SWT1: variants seen among roughly 807,000 people sequenced by gnomAD.
SWT1 encodes SWT1 RNA endoribonuclease homolog.
SWT1 carries 33 observed loss-of-function variants against 107.3 expected under a neutral mutation model. The observed-to-expected ratio is 0.31, with a 90% CI of 0.23 to 0.41. The LOEUF (loss-of-function observed/expected upper bound fraction) is 0.41, where lower values mean the gene tolerates loss of function less well. Among genes scored for constraint, SWT1 ranks in the 10% least tolerant of loss-of-function variants. The pLI is 1.00. For synonymous variants in SWT1, 345 were observed against 348.3 expected, an observed-to-expected ratio of 0.99 and a Z score of 0.11; for missense variants, 898 against 1,028.9, an observed-to-expected ratio of 0.87 and a Z score of 1.74.
In SWT1 at chr1:185,253,550, GA is replaced by G. The variant is rs1462384227; in HGVS notation, c.2442-17771del. Among the ~76,000 whole-genome samples, 6 of 149,548 alleles carry G rather than the reference GA, an allele frequency of 4.0e-5. 1 individual carries two copies. The highest frequency in any genetic ancestry group is 1.5e-4 in the African/African-American group (6 of 39,908). On this transcript the variant is annotated intron_variant, in intron 16 of 18. Coordinates refer to ENST00000367500, the MANE Select transcript of SWT1 (RefSeq NM_017673.7). The stretch of plus-strand genomic sequence containing the variant: ...ATTTTATTCTCTTTGAAGCAATTGT[GA>G]ATGGGAGTTCACTCATGATTTGGCT...
intron 16 of SWT1, among the ~76,000 whole-genome samples, chr1:185,250,813 C>T (rs1361400707): frequency 6.6e-6 from 1 of 152,102 alleles, no homozygotes; most frequent in Non-Finnish European, 1.5e-5. Flanking sequence ...CAGGCATGCA[C>T]CACCATGCCC....
intron 13 of SWT1, among the ~76,000 whole-genome samples, chr1:185,209,125 T>A (rs1181334429): frequency 6.6e-6 from 1 of 152,196 alleles, no homozygotes; most frequent in Admixed American, 6.6e-5. Flanking sequence ...GAGGAATTTC[T>A]TGTGGGATTT....
chr1:185,159,241 G>A (rs1463032401), intron 1 of SWT1, among the ~76,000 whole-genome samples: 3 of 152,174 alleles, frequency 2.0e-5, no homozygotes, highest in Admixed American at 6.5e-5. Context: ...CAAGCATCAG[G>A]AATCATCAGG....
In SWT1 at chr1:185,224,887, C is replaced by T. The variant is rs139664140; in HGVS notation, c.2309+2851C>T. 2.5e-3 allele frequency among the ~76,000 whole-genome samples: 382 copies of T among 152,136 alleles called. 1 individual carries two copies. The highest frequency in any genetic ancestry group is 8.6e-3 in the African/African-American group (358 of 41,524). On this transcript the variant is annotated intron_variant, in intron 15 of 18. Transcript: ENST00000367500. Reference sequence around the variant, plus strand: ...GAGTCTTAAGAGTTTTCCATATATACGATCATGTTGTCTGTGAACAGGGAT... The same window carrying T: ...GAGTCTTAAGAGTTTTCCATATATATGATCATGTTGTCTGTGAACAGGGAT...
At chr1:185,266,040 G>T (rs538092282) in intron 16 of SWT1, among the ~76,000 whole-genome samples, 4 of 152,004 alleles carry the variant, frequency 2.6e-5, no homozygotes, top group South Asian at 4.1e-4. Flanking sequence ...ACATATTTAA[G>T]TGTTTTGAAT....
intron 2 of SWT1, among the ~76,000 whole-genome samples, chr1:185,164,805 A>G (rs140313074): frequency 6.6e-6 from 1 of 152,296 alleles, no homozygotes; most frequent in Non-Finnish European, 1.5e-5. Flanking sequence ...CTTGCCCAAT[A>G]TCAGTAATAG....
chr1:185,177,739 C>A (rs1447297524), intron 5 of SWT1, among the ~76,000 whole-genome samples: 1 of 152,062 alleles, frequency 6.6e-6, no homozygotes, highest in African/African-American at 2.4e-5. Flanking sequence ...AAAAATAACT[C>A]TTTTGTTTCT....
At chr1:185,189,635 C>A (rs1294701032) in intron 9 of SWT1, among the ~76,000 whole-genome samples, 1 of 152,078 alleles carries the variant, frequency 6.6e-6, no homozygotes, top group Non-Finnish European at 1.5e-5. Context: ...GATCACATTT[C>A]TTTCCTTTGA....
At chr1:185,264,643 G>A (rs759271476) in intron 16 of SWT1, 6 of 189,754 alleles carry the variant, frequency 3.2e-5, no homozygotes, top group Non-Finnish European at 5.9e-5. Flanking sequence ...GGTAAAATAA[G>A]TTATCTGATA....
intron 4 of SWT1, among the ~76,000 whole-genome samples, chr1:185,172,533 AT>A (rs943879793): frequency 6.6e-6 from 1 of 152,074 alleles, no homozygotes; most frequent in Non-Finnish European, 1.5e-5. Flanking sequence ...ATCTTTTAAT[AT>A]TTTTTTCATG....
intron 14 of SWT1, among the ~76,000 whole-genome samples, chr1:185,217,709 C>T (rs1466018436): frequency 6.6e-6 from 1 of 152,130 alleles, no homozygotes; most frequent in Non-Finnish European, 1.5e-5. Flanking sequence ...GATTCTCCTG[C>T]CTCAGCCTCC....
chr1:185,281,613 AC>A, intron 18 of SWT1: 1 of 202,040 alleles, frequency 4.9e-6, no homozygotes, highest in South Asian at 8.7e-5. Flanking sequence ...CTGAAGACCG[AC>A]CACCAAATGG....
intron 17 of SWT1, among the ~76,000 whole-genome samples, chr1:185,274,086 C>G (rs2102743785): frequency 6.6e-6 from 1 of 152,006 alleles, no homozygotes; most frequent in African/African-American, 2.4e-5. Context: ...TAATTTAGTA[C>G]TTTCTATTGC....
At chr1:185,235,806 A>T (rs937321058) in intron 16 of SWT1, among the ~76,000 whole-genome samples, 4 of 152,210 alleles carry the variant, frequency 2.6e-5, no homozygotes, top group Admixed American at 1.3e-4. Context: ...AGAAAACCCC[A>T]TCGTCTCAGC....
intron 16 of SWT1, among the ~76,000 whole-genome samples, chr1:185,247,484 A>G (rs1306847027): frequency 1.3e-5 from 2 of 152,178 alleles, no homozygotes; most frequent in Admixed American, 6.5e-5. Flanking sequence ...TTTTGCATTG[A>G]AAGTTGTTTA....
intron 5 of SWT1, among the ~76,000 whole-genome samples, chr1:185,175,940 C>T (rs1371373673): frequency 6.6e-6 from 1 of 152,090 alleles, no homozygotes; most frequent in Non-Finnish European, 1.5e-5. Context: ...TAAGAGAATA[C>T]ACAGCAGGGG....
chr1:185,173,903 C>T (rs1655315135), intron 4 of SWT1, among the ~76,000 whole-genome samples: 1 of 152,010 alleles, frequency 6.6e-6, no homozygotes, highest in African/African-American at 2.4e-5. Flanking sequence ...CCTGTAGTCC[C>T]AGTTACGTGG....
Position 185,229,407 on chromosome 1 carries a change from G to A in SWT1, c.2310-2170G>A, listed in dbSNP as rs189039150. On this transcript the variant is annotated intron_variant, in intron 15 of 18. Transcript: ENST00000367500. Reference sequence around the variant, plus strand: ...ATGGTTATTTTCATCCTCATCTCACGCTCATTTCTCCCACATTTTGTCATT... The same window carrying A: ...ATGGTTATTTTCATCCTCATCTCACACTCATTTCTCCCACATTTTGTCATT... 1.6e-3 allele frequency among the ~76,000 whole-genome samples: 241 copies of A among 152,144 alleles called. 1 individual carries two copies. Among genetic ancestry groups the A allele is most frequent in the African/African-American group, 5.7e-3 (235 of 41,502 alleles).
At chr1:185,179,944 G>A (rs556762835) in intron 5 of SWT1, among the ~76,000 whole-genome samples, 2 of 152,170 alleles carry the variant, frequency 1.3e-5, no homozygotes, top group African/African-American at 4.8e-5. Context: ...CCAGTACTTC[G>A]GGAAGCTGAG....
Sources: gnomAD v4.1 joint callset for allele counts (sites outside exome capture counted in the v4.1 genomes callset) on GRCh38, gnomAD v4.1.1 for gene constraint, MANE v1.5 for transcripts, NCBI Gene and HGNC (gene_info 2026-07-23, HGNC 2026-07-21) for gene names.